The following NLRP7 variants were observed in gnomAD, a reference collection of about 807,000 sequenced individuals.
The protein encoded by NLRP7 is NLR family pyrin domain containing 7, also known as NACHT, LRR and PYD domains-containing protein 7.
A neutral mutation model predicts 85.5 loss-of-function variants in NLRP7; 72 were observed. The observed-to-expected ratio is 0.84, with a 90% CI of 0.70 to 1.02. The LOEUF is 1.02. NLRP7 is among the 50% of genes least tolerant of loss of function. NLRP7 has a pLI of 0.00. For missense variants in NLRP7, 1,243 were observed against 1,219.5 expected, an observed-to-expected ratio of 1.02 and a Z score of -0.29; for synonymous variants, 550 against 505.2, an observed-to-expected ratio of 1.09 and a Z score of -1.19.
Position 54,946,159 on chromosome 19 carries a change from G to C in NLRP7, c.-40+1310C>G, listed in dbSNP as rs886825592. On this transcript the variant is annotated intron_variant, in intron 1 of 9. Coordinates refer to ENST00000340844, the Ensembl canonical transcript of NLRP7. Reference sequence around the variant, plus strand: ...TGACCTCAGCTGATCCACCCGCCTCGGCCTCCCAAAGTGCTGGGATCACAG... The same window carrying C: ...TGACCTCAGCTGATCCACCCGCCTCCGCCTCCCAAAGTGCTGGGATCACAG... Among the ~76,000 whole-genome samples, 6 of 151,374 alleles carry C rather than the reference G, an allele frequency of 4.0e-5. No homozygotes were observed. The Admixed American group carries it at 4.0e-4, about 10-fold the overall frequency.
chr19:54,953,725 G>A (rs749812150), intron 1 of NLRP7, among the ~76,000 whole-genome samples: 13 of 151,932 alleles, frequency 8.6e-5, no homozygotes, highest in Non-Finnish European at 1.8e-4. Context: ...CAGCCAGGCC[G>A]GGCGCGGTGG....
chr19:54,944,739 C>G (rs1049653771), intron 1 of NLRP7, among the ~76,000 whole-genome samples: 3 of 151,926 alleles, frequency 2.0e-5, no homozygotes, highest in Non-Finnish European at 4.4e-5. Context: ...TCCAGACCAG[C>G]CTGGGCGACA....
At chr19:54,948,036 A>C (rs2069551017), upstream of NLRP7, among the ~76,000 whole-genome samples, 1 of 152,220 alleles carries the variant, frequency 6.6e-6, no homozygotes, top group African/African-American at 2.4e-5. Context: ...CAGGAGTTTG[A>C]TACCAGCCTA....
At chr19:54,961,597 G>A (rs1351089026) in intron 1 of NLRP7, among the ~76,000 whole-genome samples, 1 of 151,946 alleles carries the variant, frequency 6.6e-6, no homozygotes, top group Non-Finnish European at 1.5e-5. Flanking sequence ...AGCACTTTGG[G>A]AAGCCGAGGC....
In NLRP7 at chr19:54,965,515, G is replaced by A. The variant is rs1033883902; in HGVS notation, c.-77+525C>T. The A allele has an allele frequency of 3.7e-4, 37 of 99,456 alleles. 7 individuals carry two copies. Among genetic ancestry groups the A allele is most frequent in the African/African-American group, 1.5e-3 (35 of 23,504 alleles). The allele number at this position is 99,456 out of a possible 1,614,324, so 6.2% of individuals were successfully genotyped here. A position where few individuals can be genotyped will look rare whatever the true frequency, so the allele number is the denominator to read the frequency against. On this transcript the variant is annotated intron_variant, in intron 1 of 2. Coordinates refer to the NLRP7 transcript ENST00000587103. The stretch of plus-strand genomic sequence containing the variant: ...CTGTCGCCCAGGCTGGAGTGCAGTG[G>A]CGCGATCTCTGCTCACTGCAAGCTC...
chr19:54,957,883 G>A (rs2069909744), intron 1 of NLRP7, among the ~76,000 whole-genome samples: 2 of 152,200 alleles, frequency 1.3e-5, no homozygotes, highest in Non-Finnish European at 2.9e-5. Context: ...TTCAAGACTG[G>A]CCCGGTGTAC....
At chr19:54,944,104 G>A (rs918964134) in intron 1 of NLRP7, among the ~76,000 whole-genome samples, 36 of 152,204 alleles carry the variant, frequency 2.4e-4, no homozygotes, top group African/African-American at 7.9e-4. Context: ...ATAAGGCCTC[G>A]TGGGAAGGGA....
At chr19:54,962,870 A>G (rs546564621) in intron 1 of NLRP7, among the ~76,000 whole-genome samples, 13 of 151,884 alleles carry the variant, frequency 8.6e-5, no homozygotes, top group African/African-American at 3.1e-4. Flanking sequence ...AAGTGCTGGG[A>G]TTACAGGCGT....
chr19:54,938,293 T>C (rs1348047355), intron 4 of NLRP7, 52 bp from the exon 5 acceptor site: 2 of 1,465,936 alleles, frequency 1.4e-6, no homozygotes, highest in East Asian at 4.5e-5. Flanking sequence ...CATGGTGAGA[T>C]GGGCATCTGC....
intron 6 of NLRP7, among the ~76,000 whole-genome samples, chr19:54,936,047 G>A (rs186811624): frequency 7.2e-5 from 11 of 152,152 alleles, no homozygotes; most frequent in South Asian, 2.1e-4. Context: ...CACAGAATTC[G>A]GGGTGTTTCT....
chr19:54,930,794 C>T lies in NLRP7; in HGVS notation c.2643-128G>A, dbSNP rs973992779. 6 of 774,364 alleles carry T rather than the reference C, an allele frequency of 7.7e-6. No individual in the cohort carries two copies. In the African/African-American group the frequency reaches 8.5e-5, roughly 11 times the overall value. The allele number at this position is 774,364 out of a possible 1,614,324, so 48.0% of individuals were successfully genotyped here. ...GCAGTGCTGCACTCTTGGCTCACTGCAACCTCTGCCTCCCAGGTTCAAGCG... is the reference window on the plus strand; with the variant it reads ...GCAGTGCTGCACTCTTGGCTCACTGTAACCTCTGCCTCCCAGGTTCAAGCG... On this transcript the variant is annotated intron_variant, in intron 8 of 9. Coordinates refer to ENST00000340844, the Ensembl canonical transcript of NLRP7.
At chr19:54,925,904 G>A (rs892631124) in intron 9 of NLRP7, among the ~76,000 whole-genome samples, 1 of 151,786 alleles carries the variant, frequency 6.6e-6, no homozygotes, top group South Asian at 2.1e-4. Flanking sequence ...GGAGGCTGAG[G>A]CAGGAGAATG....
At position 54,939,528 on chromosome 19, in the gene NLRP7, G is replaced by T; in HGVS notation, c.1291C>A (p.His431Asn). 1.9e-6 allele frequency: 3 copies of T among 1,613,720 alleles called. No individual in the cohort carries two copies. The South Asian group carries it at 3.3e-5, about 18-fold the overall frequency. The change falls in exon 4 of 10, where the codon CAC becomes AAC. Residue 431 changes from histidine to asparagine, a missense_variant. Physicochemically the swap from His to Asn is moderately conservative, Grantham distance 68. Transcript: ENST00000340844. Reference sequence around the variant, plus strand: ...CCGAGCCTTTCCAGGTCCTCTCGGTGGAACACGGACATCTGCGCCCACAGG... The same window carrying T: ...CCGAGCCTTTCCAGGTCCTCTCGGTTGAACACGGACATCTGCGCCCACAGG...
chr19:54,941,804 A>G, intron 1 of NLRP7, 54 bp from the exon 2 acceptor site: 1 of 1,332,236 alleles, frequency 7.5e-7, no homozygotes, highest in Non-Finnish European at 1.0e-6. Flanking sequence ...AAATGAAACC[A>G]CAGTTTCCTG....
intron 1 of NLRP7, among the ~76,000 whole-genome samples, chr19:54,957,312 G>A (rs1402511660): frequency 1.3e-5 from 2 of 149,716 alleles, no homozygotes; most frequent in African/African-American, 4.9e-5. Flanking sequence ...TGAGCCACTG[G>A]GACGGACACC....
intron 1 of NLRP7, among the ~76,000 whole-genome samples, chr19:54,952,625 T>TG (rs2069707244): frequency 6.6e-6 from 1 of 150,554 alleles, no homozygotes; most frequent in African/African-American, 2.4e-5. Flanking sequence ...CCCAAACTTC[T>TG]GGGGGAGATG....
intron 1 of NLRP7, among the ~76,000 whole-genome samples, chr19:54,943,066 GAACCCA>G (rs1188693303): frequency 3.9e-5 from 6 of 152,004 alleles, no homozygotes; most frequent in Non-Finnish European, 5.9e-5. Flanking sequence ...AGAATCGCTT[GAACCCA>G]GGAGGCGGAG....
At chr19:54,936,729 A>C (rs1399254296) in intron 5 of NLRP7, among the ~76,000 whole-genome samples, 1 of 152,170 alleles carries the variant, frequency 6.6e-6, no homozygotes, top group Non-Finnish European at 1.5e-5. Flanking sequence ...AGCCTGGCCA[A>C]CATGGGGAAG....
chr19:54,947,734 G>A, upstream of NLRP7: 1 of 1,037,108 alleles, frequency 9.6e-7, no homozygotes, highest in Non-Finnish European at 1.3e-6. Flanking sequence ...ATCTCCCCAG[G>A]TGAGATTAAT....
Sources: allele counts gnomAD v4.1 joint callset (sites outside exome capture counted in the v4.1 genomes callset), GRCh38; gene constraint gnomAD v4.1.1; transcripts MANE v1.5; gene names NCBI Gene and HGNC (gene_info 2026-07-23, HGNC 2026-07-21).